The following TMEM132D variants were observed in gnomAD, a reference collection of about 807,000 sequenced individuals.
TMEM132D encodes transmembrane protein 132D.
In TMEM132D, 21 loss-of-function variants were observed where a neutral mutation model predicts 62.3. The observed-to-expected ratio is 0.34, with a 90% CI of 0.24 to 0.49. The LOEUF (loss-of-function observed/expected upper bound fraction) is 0.49. Among genes scored for constraint, TMEM132D ranks in the 20% least tolerant of loss-of-function variants. The pLI is 0.99. For synonymous variants in TMEM132D, 621 were observed against 575.6 expected (o/e 1.08, Z -1.13); for missense variants, 1,346 against 1,402.8 (o/e 0.96, Z 0.65).
At chr12:129,791,756 C>T (rs1871405626) in intron 1 of TMEM132D, among the ~76,000 whole-genome samples, 1 of 152,132 alleles carries the variant, frequency 6.6e-6, no homozygotes, top group Non-Finnish European at 1.5e-5. Flanking sequence ...CATTTCAGCC[C>T]AGCTTTGAGT....
intron 3 of TMEM132D, among the ~76,000 whole-genome samples, chr12:129,477,965 A>C (rs1874320544): frequency 6.6e-6 from 1 of 152,160 alleles, no homozygotes; most frequent in East Asian, 1.9e-4. Flanking sequence ...TGTGAACATC[A>C]TAGAGTGGAC....
chr12:129,610,637 C>T (rs548258357), intron 2 of TMEM132D, among the ~76,000 whole-genome samples: 1 of 152,170 alleles, frequency 6.6e-6, no homozygotes, highest in South Asian at 2.1e-4. Context: ...GCCCAGATTG[C>T]TTGCATAGAG....
rs867725131 is a variant in TMEM132D, at chr12:129,087,867, A to C, written c.1444-3165T>G. 5.2e-3 allele frequency among the ~76,000 whole-genome samples: 738 copies of C among 141,508 alleles called. 9 individuals are homozygous for C. The highest frequency in any genetic ancestry group is 0.019 in the African/African-American group (682 of 35,224). The allele number at this position is 141,508 out of a possible 152,430, so 92.8% of individuals were successfully genotyped here. ...ACCGCAGAGCCCCGGGGTGTCCTCC[A>C]TGACCGGGTGTCCTCCCTGACCGGG... On this transcript the variant is annotated intron_variant, in intron 5 of 8. Transcript: ENST00000422113.
chr12:129,130,333 AG>A (rs967495178), intron 5 of TMEM132D, among the ~76,000 whole-genome samples: 2 of 4,734 alleles, frequency 4.2e-4, no homozygotes, highest in African/African-American at 4.6e-4. Flanking sequence ...GGCTCTGAAG[AG>A]ACCCCCCCGC....
At chr12:129,298,654 C>T (rs75588518) in intron 4 of TMEM132D, among the ~76,000 whole-genome samples, 4,769 of 152,258 alleles carry the variant, frequency 0.031, 106 homozygotes, top group Middle Eastern at 0.068. Context: ...TGGTAACCAA[C>T]GGTTCTACTT....
At chr12:129,828,812 G>A (rs1310324819) in intron 1 of TMEM132D, among the ~76,000 whole-genome samples, 1 of 135,638 alleles carries the variant, frequency 7.4e-6, no homozygotes, top group Admixed American at 7.6e-5. Flanking sequence ...GGAAAGGAAG[G>A]GAGAAAAAAG....
chr12:129,112,741 A>G (rs1469123228), intron 5 of TMEM132D, among the ~76,000 whole-genome samples: 2 of 152,230 alleles, frequency 1.3e-5, no homozygotes, highest in East Asian at 3.8e-4. Flanking sequence ...GAGTGCTCAG[A>G]AGCCACAGTG....
intron 5 of TMEM132D, chr12:129,086,110 A>G (rs1874608615): frequency 6.6e-6 from 1 of 152,288 alleles, no homozygotes; most frequent in Non-Finnish European, 1.5e-5. Flanking sequence ...TAGGCTGTAC[A>G]TCTACAACAT....
chr12:129,230,736 T>G (rs926733975), intron 4 of TMEM132D, among the ~76,000 whole-genome samples: 2 of 152,228 alleles, frequency 1.3e-5, no homozygotes, highest in Admixed American at 6.5e-5. Flanking sequence ...ATGTCTCCAC[T>G]GGGTGTCTCA....
At position 129,620,800 on chromosome 12, in the gene TMEM132D, AAC is replaced by A. The variant is rs138220204; in HGVS notation, c.968+79008_968+79009del. Among the ~76,000 whole-genome samples, 1,095 of 152,136 alleles carry A rather than the reference AAC, an allele frequency of 7.2e-3. 44 individuals carry two copies. The East Asian group carries it at 0.086, about 12-fold the overall frequency. The stretch of plus-strand genomic sequence containing the variant: ...AACAGATGGACACATGGGGGAGAAA[AAC>A]ACACACTGGGGCCCTCTTGGGGGAT... On this transcript the variant is annotated intron_variant, in intron 2 of 8. Transcript: ENST00000422113.
In TMEM132D at chr12:129,388,687, A is replaced by G. The variant is rs1593361110; in HGVS notation, c.1116-50870T>C. Among the ~76,000 whole-genome samples, 4 of 128,626 alleles carry G rather than the reference A, an allele frequency of 3.1e-5. 1 individual carries two copies. Among genetic ancestry groups the G allele is most frequent in the Non-Finnish European group, 5.3e-5 (3 of 56,790 alleles). 84.4% of individuals were successfully genotyped at this position (128,626 alleles called of 152,430 possible). On this transcript the variant is annotated intron_variant, in intron 3 of 8. Transcript: ENST00000422113. ...TAACACCGACACCAATACTAACACC[A>G]ACACCAATCCAGCACTGATAATATT...
At chr12:129,160,581 AG>A (rs1336806773) in intron 5 of TMEM132D, among the ~76,000 whole-genome samples, 1 of 152,208 alleles carries the variant, frequency 6.6e-6, no homozygotes, top group African/African-American at 2.4e-5. Flanking sequence ...GATTCCTGAT[AG>A]TAGTGTTTGA....
intron 4 of TMEM132D, among the ~76,000 whole-genome samples, chr12:129,252,953 A>AGCAATCTCTCTGGGTCAGAGCATCCTTT (rs1880307693): frequency 6.6e-6 from 1 of 150,468 alleles, no homozygotes; most frequent in African/African-American, 2.4e-5. Context: ...AAAAAAACCA[A>AGCAATCTCTCTGGGTCAGAGCATCCTTT]ACACCGCAAG....
intron 5 of TMEM132D, among the ~76,000 whole-genome samples, chr12:129,116,294 C>A (rs1211530348): frequency 6.6e-6 from 1 of 152,178 alleles, no homozygotes; most frequent in East Asian, 1.9e-4. Context: ...GTGGTCACAT[C>A]CACTACTATT....
chr12:129,339,755 G>C (rs7978744), intron 3 of TMEM132D, among the ~76,000 whole-genome samples: 5 of 152,062 alleles, frequency 3.3e-5, no homozygotes, highest in Non-Finnish European at 7.4e-5. Flanking sequence ...GATAATCTCC[G>C]TCTCCGAGTC....
rs189050736 is a variant in TMEM132D, at chr12:129,188,611, C to T, written c.1443+20909G>A. Among the ~76,000 whole-genome samples, 63 of 152,042 alleles carry T rather than the reference C, an allele frequency of 4.1e-4. No individual in the cohort carries two copies. In the South Asian group the frequency reaches 7.3e-3, roughly 18 times the overall value. On this transcript the variant is annotated intron_variant, in intron 5 of 8. Transcript: ENST00000422113. ...TTGGTCCCCAGTGGGCTTGTGGAGA[C>T]ACATACTAGCTGTCAGGCACAGGTG... is the stretch of plus-strand genomic sequence containing the variant.
intron 3 of TMEM132D, among the ~76,000 whole-genome samples, chr12:129,484,248 G>GT (rs1395697001): frequency 6.6e-6 from 1 of 152,144 alleles, no homozygotes; most frequent in East Asian, 1.9e-4. Context: ...GGGAGTCAAC[G>GT]TGAGTCACCG....
In TMEM132D at chr12:129,533,184, C is replaced by T. The variant is rs373752153; in HGVS notation, c.969-1979G>A. Among the ~76,000 whole-genome samples, 8 of 152,246 alleles carry T rather than the reference C, an allele frequency of 5.3e-5. No homozygotes were observed. The South Asian group carries it at 6.2e-4, about 12-fold the overall frequency. ...ACATTATTTCTGTGGGGAAAATGCACGTTTGATGTTTTAAATAATCATTAT... is the reference window on the plus strand; with the variant it reads ...ACATTATTTCTGTGGGGAAAATGCATGTTTGATGTTTTAAATAATCATTAT... On this transcript the variant is annotated intron_variant, in intron 2 of 8. Transcript: ENST00000422113.
At chr12:129,127,118 G>T (rs554724336) in intron 5 of TMEM132D, among the ~76,000 whole-genome samples, 1 of 152,174 alleles carries the variant, frequency 6.6e-6, no homozygotes, top group Non-Finnish European at 1.5e-5. Flanking sequence ...ATTCATCAAC[G>T]GATTGAACAC....
Sources: allele counts gnomAD v4.1 joint callset (sites outside exome capture counted in the v4.1 genomes callset), GRCh38; gene constraint gnomAD v4.1.1; transcripts MANE v1.5; gene names NCBI Gene and HGNC (gene_info 2026-07-23, HGNC 2026-07-21).